Variants in ENTREP2 observed in about 807,000 individuals in gnomAD.
ENTREP2 encodes endosomal transmembrane epsin interactor 2.
chr15:29,672,669 G>A, the ENTREP2 span, among the ~76,000 whole-genome samples: 1 of 152,040 alleles, frequency 6.6e-6, no homozygotes, highest in Non-Finnish European at 1.5e-5. Flanking sequence ...TTTAATTCAC[G>A]CAGAGCCGGC....
chr15:29,224,314 T>A, the ENTREP2 span, among the ~76,000 whole-genome samples: 8 of 152,148 alleles, frequency 5.3e-5, no homozygotes, highest in Non-Finnish European at 1.0e-4. Context: ...AAAGGCAGTT[T>A]GGACCCAAAG....
At chr15:29,241,866 C>T in the ENTREP2 span, among the ~76,000 whole-genome samples, 1 of 150,398 alleles carries the variant, frequency 6.6e-6, no homozygotes, top group Non-Finnish European at 1.5e-5. Flanking sequence ...GACCCCCCCC[C>T]ACCACCACCC....
the ENTREP2 span, among the ~76,000 whole-genome samples, chr15:29,251,439 G>A: frequency 3.9e-5 from 6 of 152,194 alleles, no homozygotes; most frequent in Middle Eastern, 3.2e-3. Context: ...CAACAAGCTC[G>A]TCCAACCCAC....
chr15:29,356,294 ATATTTTTTT>A, the ENTREP2 span, among the ~76,000 whole-genome samples: 7 of 48,636 alleles, frequency 1.4e-4, no homozygotes, highest in South Asian at 9.4e-4. Context: ...ATATATATAT[ATATTTTTTT>A]TTTTTTTTTT....
the ENTREP2 span, among the ~76,000 whole-genome samples, chr15:29,279,641 GCATGAGC>G: frequency 6.6e-6 from 1 of 152,142 alleles, no homozygotes; most frequent in Non-Finnish European, 1.5e-5. Context: ...GGGATTACAG[GCATGAGC>G]CACCGCGCCT....
the ENTREP2 span, among the ~76,000 whole-genome samples, chr15:29,340,708 T>A: frequency 9.2e-5 from 14 of 152,338 alleles, no homozygotes; most frequent in Admixed American, 2.6e-4. Flanking sequence ...TTAGCATGAC[T>A]GTTACTAATA....
the ENTREP2 span, among the ~76,000 whole-genome samples, chr15:29,447,461 G>T: frequency 6.6e-6 from 1 of 152,088 alleles, no homozygotes; most frequent in Non-Finnish European, 1.5e-5. Flanking sequence ...CCATGCAAAA[G>T]GTTGAATTTT....
the ENTREP2 span, chr15:29,269,574 G>C: frequency 2.6e-6 from 4 of 1,535,736 alleles, no homozygotes; most frequent in South Asian, 2.4e-5. Flanking sequence ...GGGCCTCCTC[G>C]GCAAAGCCGT....
the ENTREP2 span, among the ~76,000 whole-genome samples, chr15:29,133,764 A>G: frequency 6.6e-6 from 1 of 152,148 alleles, no homozygotes. Context: ...CCCAGGCCCC[A>G]GTGACAGCGG....
chr15:29,640,498 T>C, the ENTREP2 span, among the ~76,000 whole-genome samples: 1 of 151,602 alleles, frequency 6.6e-6, no homozygotes, highest in East Asian at 1.9e-4. Flanking sequence ...TCTCTACAAA[T>C]ACAAAAAATA....
the ENTREP2 span, among the ~76,000 whole-genome samples, chr15:29,615,397 C>T: frequency 2.0e-5 from 3 of 152,052 alleles, no homozygotes; most frequent in African/African-American, 7.2e-5. Flanking sequence ...CTCAGGTGAT[C>T]CGCCCACCTC....
the ENTREP2 span, among the ~76,000 whole-genome samples, chr15:29,390,110 C>T: frequency 6.6e-6 from 1 of 152,158 alleles, no homozygotes; most frequent in Non-Finnish European, 1.5e-5. Flanking sequence ...CACTGGAGAC[C>T]AAGGGCGGTT....
At chr15:29,131,610 C>T in the ENTREP2 span, among the ~76,000 whole-genome samples, 2 of 34,828 alleles carry the variant, frequency 5.7e-5, no homozygotes, top group African/African-American at 9.3e-5. Flanking sequence ...TCACACACCC[C>T]AGCCCGACAA....
chr15:29,519,176 C>T, the ENTREP2 span, among the ~76,000 whole-genome samples: 2 of 152,014 alleles, frequency 1.3e-5, no homozygotes, highest in East Asian at 3.9e-4. Context: ...CACACACACA[C>T]ATACACACAC....
the ENTREP2 span, among the ~76,000 whole-genome samples, chr15:29,417,300 G>GAA: frequency 2.6e-5 from 4 of 152,164 alleles, no homozygotes; most frequent in Non-Finnish European, 5.9e-5. Flanking sequence ...ATACACCATG[G>GAA]AATACTATGC....
the ENTREP2 span, among the ~76,000 whole-genome samples, chr15:29,588,505 A>AGAGG: frequency 3.8e-5 from 5 of 130,176 alleles, no homozygotes; most frequent in Admixed American, 8.2e-5. Context: ...AGAGAGAGAG[A>AGAGG]GAGGGAGGGA....
the ENTREP2 span, among the ~76,000 whole-genome samples, chr15:29,135,391 T>C: frequency 2.0e-5 from 3 of 152,176 alleles, no homozygotes; most frequent in Admixed American, 2.0e-4. The surrounding 1 kb of genome is among the most constrained non-coding windows in gnomAD (Gnocchi z 7.4). Flanking sequence ...CGATTTGGTC[T>C]ATTTACATAA....
At chr15:29,443,657 C>T in the ENTREP2 span, among the ~76,000 whole-genome samples, 1 of 151,894 alleles carries the variant, frequency 6.6e-6, no homozygotes, top group African/African-American at 2.4e-5. Context: ...AAAAGAAACA[C>T]AAGTTACAGT....
the ENTREP2 span, among the ~76,000 whole-genome samples, chr15:29,386,394 G>A: frequency 2.1e-4 from 32 of 152,244 alleles, no homozygotes; most frequent in African/African-American, 6.3e-4. Flanking sequence ...TTTGAACAGC[G>A]GGGCACCGAA....
Sources: gnomAD v4.1 joint callset for allele counts (sites outside exome capture counted in the v4.1 genomes callset) on GRCh38, gnomAD v4.1.1 for gene constraint, Gnocchi (gnomAD v3.1) non-coding constraint, MANE v1.5 for transcripts, NCBI Gene and HGNC (gene_info 2026-07-23, HGNC 2026-07-21) for gene names.